DLG2: variants seen among roughly 807,000 people sequenced by gnomAD.
DLG2 encodes the protein disks large homolog 2.
A neutral mutation model predicts 132.5 loss-of-function variants in DLG2; 45 were observed. That is an observed-to-expected ratio of 0.34 (90% CI 0.27 to 0.44). DLG2 has a LOEUF of 0.44. Ranked by LOEUF, DLG2 falls within the 20% of genes least tolerant of loss-of-function variation. The pLI is 1.00. For synonymous variants in DLG2, 424 were observed against 419.6 expected (o/e 1.01, Z -0.13); for missense variants, 1,045 against 1,196.9 (o/e 0.87, Z 1.87).
intron 18 of DLG2, among the ~76,000 whole-genome samples, chr11:83,675,642 C>T (rs11233710): frequency 7.9e-5 from 12 of 152,276 alleles, no homozygotes; most frequent in South Asian, 4.1e-4. Flanking sequence ...TATAATTCAA[C>T]GGTCATTTTT....
intron 6 of DLG2, among the ~76,000 whole-genome samples, chr11:84,569,759 G>A (rs767258705): frequency 1.4e-4 from 21 of 152,164 alleles, no homozygotes; most frequent in Middle Eastern, 3.4e-3. Flanking sequence ...ATTTCTTTTT[G>A]TCCTACCATA....
rs945844008 is a variant in DLG2, at chr11:84,814,319, T to C, written c.358-279588A>G. Among the ~76,000 whole-genome samples, 5 of 152,166 alleles carry C rather than the reference T, an allele frequency of 3.3e-5. No individual in the cohort carries two copies. The East Asian group carries it at 9.7e-4, about 30-fold the overall frequency. ...AGTCGCTATCGGGACCTCAAATCTT[T>C]CCTTTTAAAAGTAAACTGGTTATGA... is the stretch of plus-strand genomic sequence containing the variant. On this transcript the variant is annotated intron_variant, in intron 6 of 27. Coordinates refer to ENST00000376104, the MANE Select transcript of DLG2 (RefSeq NM_001142699.3).
chr11:84,226,517 C>A (rs1270614997), intron 8 of DLG2, among the ~76,000 whole-genome samples: 1 of 152,100 alleles, frequency 6.6e-6, no homozygotes, highest in Non-Finnish European at 1.5e-5. Context: ...CTTTAAATTG[C>A]AAATAGGTCA....
intron 7 of DLG2, among the ~76,000 whole-genome samples, chr11:84,371,949 C>G (rs2098708426): frequency 6.6e-6 from 1 of 152,074 alleles, no homozygotes; most frequent in Non-Finnish European, 1.5e-5. Context: ...TCTGAAATGG[C>G]TGTATTTTAG....
chr11:85,617,449 C>G (rs973278687), intron 2 of DLG2, among the ~76,000 whole-genome samples: 1 of 152,232 alleles, frequency 6.6e-6, no homozygotes, highest in Non-Finnish European at 1.5e-5. Context: ...CCTCACCACA[C>G]AGCATTGAAA....
At position 85,138,609 on chromosome 11, in the gene DLG2, C is replaced by T. The variant is rs545951975; in HGVS notation, c.282+15947G>A. 5.3e-5 allele frequency among the ~76,000 whole-genome samples: 8 copies of T among 152,206 alleles called. No homozygotes were observed. The South Asian group carries it at 1.0e-3, about 20-fold the overall frequency. On this transcript the variant is annotated intron_variant, in intron 5 of 27. Coordinates refer to ENST00000376104, the MANE Select transcript of DLG2 (RefSeq NM_001142699.3). Reference sequence around the variant, plus strand: ...ATTCTATCTCCCAGAATTCCCACGTCGTGGGAGGGACCCACGGGAAGTAAT... The same window carrying T: ...ATTCTATCTCCCAGAATTCCCACGTTGTGGGAGGGACCCACGGGAAGTAAT...
At chr11:84,641,550 C>T (rs983870054) in intron 6 of DLG2, among the ~76,000 whole-genome samples, 1 of 152,090 alleles carries the variant, frequency 6.6e-6, no homozygotes, top group South Asian at 2.1e-4. Flanking sequence ...CTCTGGGGTG[C>T]TCCAAACCTG....
At chr11:85,364,497 C>A (rs780430555) in intron 3 of DLG2, among the ~76,000 whole-genome samples, 2 of 152,200 alleles carry the variant, frequency 1.3e-5, no homozygotes, top group Admixed American at 1.3e-4. Flanking sequence ...TGATTCTACA[C>A]TGACACATGG....
At chr11:85,286,219 A>G in intron 3 of DLG2, 2 of 351,252 alleles carry the variant, frequency 5.7e-6, no homozygotes, top group Admixed American at 4.4e-5. Context: ...CTGAAAACAC[A>G]ATACATGTAT....
chr11:85,597,692 A>G (rs2079869545), intron 3 of DLG2, among the ~76,000 whole-genome samples: 1 of 151,738 alleles, frequency 6.6e-6, no homozygotes. Context: ...ACAGATATTT[A>G]TAATGAAAAC....
At chr11:84,948,737 A>G (rs147801062) in intron 6 of DLG2, among the ~76,000 whole-genome samples, 391 of 152,318 alleles carry the variant, frequency 2.6e-3, no homozygotes, top group African/African-American at 9.1e-3. Flanking sequence ...TACAAAATAC[A>G]TATTTGTTCC....
At chr11:83,907,694 A>T (rs2075283596) in intron 15 of DLG2, among the ~76,000 whole-genome samples, 2 of 152,172 alleles carry the variant, frequency 1.3e-5, no homozygotes, top group African/African-American at 4.8e-5. Flanking sequence ...TATTATAATT[A>T]TTAATTCTTT....
intron 6 of DLG2, among the ~76,000 whole-genome samples, chr11:84,758,630 A>C (rs1247414811): frequency 6.6e-6 from 1 of 152,200 alleles, no homozygotes; most frequent in Non-Finnish European, 1.5e-5. Context: ...ATTATTTTAA[A>C]TCATACCATA....
chr11:84,739,999 T>G (rs548451362), intron 6 of DLG2, among the ~76,000 whole-genome samples: 1 of 151,962 alleles, frequency 6.6e-6, no homozygotes, highest in Non-Finnish European at 1.5e-5. Flanking sequence ...AACCAGATTC[T>G]CAGCCTCACA....
At position 84,749,697 on chromosome 11, in the gene DLG2, C is replaced by T. The variant is rs546956281; in HGVS notation, c.358-214966G>A. On this transcript the variant is annotated intron_variant, in intron 6 of 27. Transcript: ENST00000376104. Reference sequence around the variant, plus strand: ...AACCTATCCCTCTCGTTAAGTGATGCATGGCTGTTTTTGTACAATTTCTAT... The same window carrying T: ...AACCTATCCCTCTCGTTAAGTGATGTATGGCTGTTTTTGTACAATTTCTAT... Among the ~76,000 whole-genome samples, 13 of 152,260 alleles carry T rather than the reference C, an allele frequency of 8.5e-5. No homozygotes were observed. The East Asian group carries it at 1.7e-3, about 20-fold the overall frequency.
rs867728239 is a variant in DLG2, at chr11:83,825,108, G to C, written c.1722+8506C>G. ...ACACATATATATACACATATATATA[G>C]ACATATATATACACATATATATATA... is the stretch of plus-strand genomic sequence containing the variant. On this transcript the variant is annotated intron_variant, in intron 17 of 27. Transcript: ENST00000376104. Among the ~76,000 whole-genome samples, 116 of 130,942 alleles carry C rather than the reference G, an allele frequency of 8.9e-4. 1 individual carries two copies. The highest frequency in any genetic ancestry group is 2.9e-3 in the African/African-American group (105 of 35,830). The allele number at this position is 130,942 out of a possible 152,430, so 85.9% of individuals were successfully genotyped here. A position where few individuals can be genotyped will look rare whatever the true frequency, so the allele number is the denominator to read the frequency against.
chr11:84,607,764 A>T (rs983856049), intron 6 of DLG2, among the ~76,000 whole-genome samples: 1 of 152,072 alleles, frequency 6.6e-6, no homozygotes, highest in African/African-American at 2.4e-5. Context: ...ATATCTAATG[A>T]AAGAGACAAT....
chr11:83,470,571 G>A lies in DLG2; in HGVS notation c.2446+1055C>T, dbSNP rs376770866. Among the ~76,000 whole-genome samples the A allele has an allele frequency of 1.9e-4, 29 of 152,280 alleles. 1 individual carries two copies. The East Asian group carries it at 3.5e-3, about 18-fold the overall frequency. On this transcript the variant is annotated intron_variant, in intron 24 of 27. Transcript: ENST00000376104. ...TGTTTTCTTTCTCTCAAAAGTGGAG[G>A]AGCAAGCTGGAAGCTTGCTGTAAAC...
At chr11:85,501,285 C>T (rs1485768154) in intron 3 of DLG2, among the ~76,000 whole-genome samples, 1 of 152,188 alleles carries the variant, frequency 6.6e-6, no homozygotes, top group Non-Finnish European at 1.5e-5. Context: ...GGACCAAAGA[C>T]TTAAACATAA....
Sources: gnomAD v4.1 joint callset for allele counts (sites outside exome capture counted in the v4.1 genomes callset) on GRCh38, gnomAD v4.1.1 for gene constraint, MANE v1.5 for transcripts, NCBI Gene and HGNC (gene_info 2026-07-23, HGNC 2026-07-21) for gene names.